The following PCDHGB6 variants were observed in gnomAD, a reference collection of about 807,000 sequenced individuals.
PCDHGB6 encodes the protein protocadherin gamma subfamily B, 6.
In PCDHGB6, 51 loss-of-function variants were observed where a neutral mutation model predicts 59.1. That is an observed-to-expected ratio of 0.86 (90% CI 0.69 to 1.09). PCDHGB6 has a LOEUF of 1.09. PCDHGB6 is among the 50% of genes least tolerant of loss of function. PCDHGB6 has a pLI of 0.00. For synonymous variants in PCDHGB6, 466 were observed against 495.1 expected (o/e 0.94, Z 0.78); for missense variants, 1,148 against 1,205.1 (o/e 0.95, Z 0.70).
chr5:141,475,821 G>T, intron 1 of PCDHGB6: 1 of 352,534 alleles, frequency 2.8e-6, no homozygotes, highest in Non-Finnish European at 5.1e-6. Context: ...AGTTCCTGGC[G>T]CTAGCGCGTG....
At chr5:141,492,637 C>T (rs2099742781) in intron 1 of PCDHGB6, among the ~76,000 whole-genome samples, 1 of 152,260 alleles carries the variant, frequency 6.6e-6, no homozygotes, top group South Asian at 2.1e-4. Context: ...CTCTACGATC[C>T]TTGGGCCAGA....
intron 1 of PCDHGB6, chr5:141,418,426 C>A: frequency 6.2e-7 from 1 of 1,613,948 alleles, no homozygotes; most frequent in South Asian, 1.1e-5. Flanking sequence ...CTGATGGTGG[C>A]AAATATCCAG....
At chr5:141,504,817 G>T in intron 2 of PCDHGB6, among the ~76,000 whole-genome samples, 1 of 151,940 alleles carries the variant, frequency 6.6e-6, no homozygotes, top group East Asian at 1.9e-4. Flanking sequence ...TACCTCCTAG[G>T]TCCCCACTTT....
intron 2 of PCDHGB6, among the ~76,000 whole-genome samples, chr5:141,496,955 G>T (rs2099772887): frequency 6.6e-6 from 1 of 152,006 alleles, no homozygotes; most frequent in African/African-American, 2.4e-5. Context: ...GGAGGCCAAG[G>T]TGGGTAGATC....
At chr5:141,495,213 C>T (rs568314100) in intron 2 of PCDHGB6, among the ~76,000 whole-genome samples, 1 of 152,326 alleles carries the variant, frequency 6.6e-6, no homozygotes, top group South Asian at 2.1e-4. Flanking sequence ...AACCCCCTCC[C>T]CTGAGTTGAG....
intron 1 of PCDHGB6, chr5:141,423,323 C>T (rs200492485): frequency 6.2e-7 from 1 of 1,614,146 alleles, no homozygotes; most frequent in East Asian, 2.2e-5. Flanking sequence ...GTGGCGGTGG[C>T]CGCAGTCTCC....
Position 141,491,722 on chromosome 5 carries a change from CG to C in PCDHGB6, c.2419-3082del. Reference sequence around the variant, plus strand: ...CCAGGTGAGGGGCTCGGCGCCGCCCCGGGCGACCCCTGGGGGCGGCACTGGA... The same window carrying C: ...CCAGGTGAGGGGCTCGGCGCCGCCCCGGCGACCCCTGGGGGCGGCACTGGA... On this transcript the variant is annotated intron_variant, in intron 1 of 3. Transcript: ENST00000520790. The surrounding 1 kb of genome is among the most constrained non-coding windows in gnomAD (Gnocchi z 6.9). The C allele has an allele frequency of 1.2e-6, 2 of 1,607,004 alleles. No homozygotes were observed. Among genetic ancestry groups the C allele is most frequent in the Non-Finnish European group, 1.7e-6 (2 of 1,177,148 alleles).
At chr5:141,478,766 T>C in intron 1 of PCDHGB6, 2 of 1,505,456 alleles carry the variant, frequency 1.3e-6, no homozygotes, top group Non-Finnish European at 1.8e-6. Flanking sequence ...GATACTTGAC[T>C]CATCTGTGGA....
At chr5:141,451,610 G>T (rs184745360) in intron 1 of PCDHGB6, among the ~76,000 whole-genome samples, 60 of 152,298 alleles carry the variant, frequency 3.9e-4, no homozygotes, top group African/African-American at 1.3e-3. Context: ...GGCTAGGCAT[G>T]GTGGCTCAAA....
intron 1 of PCDHGB6, chr5:141,421,344 G>A: frequency 6.2e-7 from 1 of 1,613,976 alleles, no homozygotes; most frequent in Non-Finnish European, 8.5e-7. Context: ...TGCCAGAAGA[G>A]ACCGAAAAGG....
At chr5:141,469,780 G>A (rs775691161) in intron 1 of PCDHGB6, among the ~76,000 whole-genome samples, 12 of 152,080 alleles carry the variant, frequency 7.9e-5, no homozygotes, top group Non-Finnish European at 1.8e-4. Context: ...ATTTATTACA[G>A]CGTTATTTGT....
chr5:141,475,098 C>G (rs1252108172), intron 1 of PCDHGB6, among the ~76,000 whole-genome samples: 1 of 152,108 alleles, frequency 6.6e-6, no homozygotes, highest in East Asian at 1.9e-4. Flanking sequence ...TTATAAAGAT[C>G]CTAGGTGGTA....
Position 141,408,410 on chromosome 5 carries a change from G to C in PCDHGB6, c.208G>C (p.Ala70Pro), listed in dbSNP as rs1329403051. ...GTCGGCTCGCAAGCTGCGAGTGAGC[G>C]CGGAGAAGCTGCACTTCAGCGTAGA... ...DVSARKLRVS[A>P]EKLHFSVDAE... Residue 70 changes from alanine (A) to proline (P), a missense_variant, in exon 1 of 4, where the codon GCG becomes CCG. Around this residue, in one of 5 missense-constraint regions of PCDHGB6, gnomAD observed 307 missense variants for 323.8 expected, o/e 0.95. Transcript: ENST00000520790. The C allele has an allele frequency of 6.2e-7, 1 of 1,613,932 alleles. No individual in the cohort carries two copies. The highest frequency in any genetic ancestry group is 1.3e-5 in the African/African-American group (1 of 74,950).
At chr5:141,446,718 C>G (rs1279970040) in intron 1 of PCDHGB6, among the ~76,000 whole-genome samples, 1 of 152,174 alleles carries the variant, frequency 6.6e-6, no homozygotes, top group Non-Finnish European at 1.5e-5. Flanking sequence ...CTGCCCGCCT[C>G]GGCCTCCCAA....
chr5:141,502,179 A>C (rs1403845758), intron 2 of PCDHGB6, among the ~76,000 whole-genome samples: 3 of 152,218 alleles, frequency 2.0e-5, no homozygotes, highest in African/African-American at 7.2e-5. Context: ...GGAATTTAAC[A>C]TTAATACAAT....
rs758578821 is a variant in PCDHGB6 at position 141,486,659 on chromosome 5, G to C, written c.2419-8148G>C. The C allele has an allele frequency of 6.8e-6, 11 of 1,613,944 alleles. No individual in the cohort carries two copies. The highest frequency in any genetic ancestry group is 8.5e-6 in the Non-Finnish European group (10 of 1,180,026). On this transcript the variant is annotated intron_variant, in intron 1 of 3. Coordinates refer to ENST00000520790, the MANE Select transcript of PCDHGB6 (RefSeq NM_018926.3). The surrounding 1 kb of genome is among the most constrained non-coding windows in gnomAD (Gnocchi z 5.0). ...TGCGCTTATCTCCTACTCACTCCTGGAGCCCAGGAATCGAGATGTATCAGC... is the reference window on the plus strand; with the variant it reads ...TGCGCTTATCTCCTACTCACTCCTGCAGCCCAGGAATCGAGATGTATCAGC...
rs1425295626 is a variant in PCDHGB6 at position 141,477,940 on chromosome 5, C to T, written c.2419-16867C>T. On this transcript the variant is annotated intron_variant, in intron 1 of 3. Coordinates refer to ENST00000520790, the MANE Select transcript of PCDHGB6 (RefSeq NM_018926.3). This position sits in a 1 kb window ranked among gnomAD's most constrained non-coding sequence, Gnocchi z 4.9. ...CAGGGCACAATGCCTGGCTCTCCTA[C>T]AGTCTCTTGGGATCCCCTAACCAGA... The T allele has an allele frequency of 6.2e-7, 1 of 1,614,178 alleles. No homozygotes were observed. Among genetic ancestry groups the T allele is most frequent in the South Asian group, 1.1e-5 (1 of 91,084 alleles).
intron 1 of PCDHGB6, among the ~76,000 whole-genome samples, chr5:141,438,119 A>G (rs2097930168): frequency 6.6e-6 from 1 of 152,220 alleles, no homozygotes; most frequent in Non-Finnish European, 1.5e-5. Flanking sequence ...ATGCATTCCT[A>G]AAATATTAAT....
rs1421246315 is a variant in PCDHGB6 at position 141,491,880 on chromosome 5, G to A, written c.2419-2927G>A. The A allele has an allele frequency of 1.1e-5, 16 of 1,449,714 alleles. No homozygotes were observed. The highest frequency in any genetic ancestry group is 1.5e-5 in the Non-Finnish European group (16 of 1,096,892). 89.8% of individuals were successfully genotyped at this position (1,449,714 alleles called of 1,614,324 possible). A position where few individuals can be genotyped will look rare whatever the true frequency, so the allele number is the denominator to read the frequency against. ...GCGAAACCAGAGTGGCCGATTAAGGGATGGGGCTCCGAGCACCGGGGGTGG... is the reference window on the plus strand; with the variant it reads ...GCGAAACCAGAGTGGCCGATTAAGGAATGGGGCTCCGAGCACCGGGGGTGG... On this transcript the variant is annotated intron_variant, in intron 1 of 3. Coordinates refer to ENST00000520790, the MANE Select transcript of PCDHGB6 (RefSeq NM_018926.3). The surrounding 1 kb of genome is among the most constrained non-coding windows in gnomAD (Gnocchi z 6.9).
Sources: allele counts gnomAD v4.1 joint callset (sites outside exome capture counted in the v4.1 genomes callset), GRCh38; gene constraint gnomAD v4.1.1; regional missense constraint gnomAD v4.1.1; non-coding constraint Gnocchi (gnomAD v3.1); transcripts MANE v1.5; gene names NCBI Gene and HGNC (gene_info 2026-07-23, HGNC 2026-07-21).